Variants in RTL4 observed in about 807,000 individuals in gnomAD.
RTL4 encodes the protein retrotransposon Gag-like protein 4.
A neutral mutation model predicts 5.3 loss-of-function variants in RTL4; 4 were observed. That is an observed-to-expected ratio of 0.75 (90% confidence interval 0.37 to 1.72). The LOEUF (loss-of-function observed/expected upper bound fraction) is 1.72. Ranked by LOEUF, RTL4 falls within the 40% of genes most tolerant of loss-of-function variation. The probability of loss-of-function intolerance (pLI) is 0.04; values close to 1 mark genes in which losing one functional copy is unlikely to be tolerated. For missense variants in RTL4, 260 were observed against 227.1 expected (o/e 1.14, Z -0.93); for synonymous variants, 98 against 87.3 (o/e 1.12, Z -0.68).
chrX:112,193,462 G>T, the RTL4 span, among the ~76,000 whole-genome samples: 1 of 111,274 alleles, frequency 9.0e-6, no homozygotes, highest in Non-Finnish European at 1.9e-5. Flanking sequence ...TGTTTTGTAT[G>T]TGATGAGCTT....
the RTL4 span, among the ~76,000 whole-genome samples, chrX:112,426,312 T>A: frequency 9.0e-6 from 1 of 111,598 alleles, no homozygotes; most frequent in Non-Finnish European, 1.9e-5. Context: ...TACCACATTG[T>A]TATCTTTATA....
chrX:112,286,271 A>G, the RTL4 span, among the ~76,000 whole-genome samples: 3 of 112,295 alleles, frequency 2.7e-5, no homozygotes, highest in African/African-American at 6.5e-5. Flanking sequence ...GAGGAAAAGC[A>G]TAATGACTGG....
chrX:112,172,602 T>C, the RTL4 span, among the ~76,000 whole-genome samples: 10 of 110,981 alleles, frequency 9.0e-5, no homozygotes, highest in Admixed American at 1.9e-4. Flanking sequence ...AGTGTGGCAA[T>C]TCCTCAAAGA....
chrX:112,231,772 C>A, the RTL4 span, among the ~76,000 whole-genome samples: 6 of 111,134 alleles, frequency 5.4e-5, no homozygotes, highest in Non-Finnish European at 1.1e-4. Context: ...AATTCATAAG[C>A]AAGCTTGCTA....
chrX:112,124,799 GA>G, the RTL4 span, among the ~76,000 whole-genome samples: 45 of 108,924 alleles, frequency 4.1e-4, no homozygotes, highest in Non-Finnish European at 7.3e-4. Flanking sequence ...GGAACTTAAA[GA>G]AAAAAAAATA....
chrX:112,389,656 T>A, the RTL4 span, among the ~76,000 whole-genome samples: 2 of 111,627 alleles, frequency 1.8e-5, no homozygotes, highest in Non-Finnish European at 3.8e-5. Flanking sequence ...TTTCATTATT[T>A]ACCTAAAAGT....
chrX:112,312,630 A>T, the RTL4 span, among the ~76,000 whole-genome samples: 1 of 111,668 alleles, frequency 9.0e-6, no homozygotes, highest in Non-Finnish European at 1.9e-5. Context: ...GAGGAACACA[A>T]ATCCTACATA....
the RTL4 span, among the ~76,000 whole-genome samples, chrX:112,276,529 C>A: frequency 8.9e-6 from 1 of 111,947 alleles, no homozygotes; most frequent in Admixed American, 9.5e-5. Context: ...AATACTTACA[C>A]AAATTAATTT....
chrX:112,221,504 G>A, the RTL4 span, among the ~76,000 whole-genome samples: 16 of 111,898 alleles, frequency 1.4e-4, no homozygotes, highest in Admixed American at 1.5e-3. Context: ...TCTCAGCCAA[G>A]CTCTTTCCAA....
the RTL4 span, among the ~76,000 whole-genome samples, chrX:112,147,146 ATTAC>A: frequency 9.1e-6 from 1 of 109,291 alleles, no homozygotes; most frequent in East Asian, 2.9e-4. Flanking sequence ...GAGCAAGTGA[ATTAC>A]TTTACTTTTT....
At chrX:112,229,532 G>C in the RTL4 span, among the ~76,000 whole-genome samples, 6 of 111,974 alleles carry the variant, frequency 5.4e-5, no homozygotes, top group African/African-American at 1.6e-4. Context: ...TATCTCATGT[G>C]ATTGTCACAG....
the RTL4 span, among the ~76,000 whole-genome samples, chrX:112,387,256 T>C: frequency 9.0e-6 from 1 of 111,488 alleles, no homozygotes; most frequent in Non-Finnish European, 1.9e-5. Flanking sequence ...GTTGGATGTA[T>C]AGATTGTGAA....
At chrX:112,119,301 A>ATG in the RTL4 span, among the ~76,000 whole-genome samples, 4 of 110,523 alleles carry the variant, frequency 3.6e-5, no homozygotes, top group East Asian at 1.1e-3. Context: ...TAAAGGAAAA[A>ATG]TGTGTTTGTG....
At chrX:112,332,649 G>A in the RTL4 span, among the ~76,000 whole-genome samples, 1 of 97,314 alleles carries the variant, frequency 1.0e-5, no homozygotes, top group African/African-American at 3.8e-5. Flanking sequence ...CAAGCACACA[G>A]GAAGGGGGAC....
the RTL4 span, among the ~76,000 whole-genome samples, chrX:112,390,118 T>A: frequency 1.3e-3 from 21 of 16,060 alleles, no homozygotes; most frequent in African/African-American, 4.7e-3. Context: ...TATATATATA[T>A]ATATATATAT....
chrX:112,327,736 A>T, the RTL4 span, among the ~76,000 whole-genome samples: 10 of 111,292 alleles, frequency 9.0e-5, no homozygotes, highest in Non-Finnish European at 1.5e-4. Flanking sequence ...GAAGGAAAAA[A>T]TGTTAAGGGC....
the RTL4 span, among the ~76,000 whole-genome samples, chrX:112,186,017 G>C: frequency 0.016 from 1,733 of 111,012 alleles, 39 homozygotes; most frequent in African/African-American, 0.053. Flanking sequence ...ATCCCATGAG[G>C]ATATCTGAAA....
chrX:112,408,522 A>G, the RTL4 span, among the ~76,000 whole-genome samples: 1 of 110,667 alleles, frequency 9.0e-6, no homozygotes, highest in South Asian at 3.8e-4. Flanking sequence ...TTAGGAAAAT[A>G]GTCTCAAAAG....
At chrX:112,240,429 G>C in the RTL4 span, among the ~76,000 whole-genome samples, 1 of 112,076 alleles carries the variant, frequency 8.9e-6, no homozygotes, top group Non-Finnish European at 1.9e-5. Context: ...AGGCATCATA[G>C]CTTAGCCTAG....
Sources: allele counts gnomAD v4.1 joint callset (sites outside exome capture counted in the v4.1 genomes callset), GRCh38; gene constraint gnomAD v4.1.1; transcripts MANE v1.5; gene names NCBI Gene and HGNC (gene_info 2026-07-23, HGNC 2026-07-21).